The following PDSS2 variants were observed in gnomAD, a reference collection of about 807,000 sequenced individuals.
The protein encoded by PDSS2 is decaprenyl diphosphate synthase subunit 2, also known as all trans-polyprenyl-diphosphate synthase PDSS2.
A neutral mutation model predicts 44.5 loss-of-function variants in PDSS2; 31 were observed. The ratio of observed to expected loss-of-function variants is 0.70; its 90% CI spans 0.52 to 0.94. PDSS2 has a LOEUF of 0.94. Among genes scored for constraint, PDSS2 ranks in the 40% least tolerant of loss-of-function variants. The pLI is 0.00. For synonymous variants in PDSS2, 157 were observed against 180.3 expected, an observed-to-expected ratio of 0.87 and a Z score of 1.03; for missense variants, 452 against 482.2, an observed-to-expected ratio of 0.94 and a Z score of 0.59.
At chr6:107,378,902 A>G (rs1031901765) in intron 1 of PDSS2, among the ~76,000 whole-genome samples, 5 of 152,340 alleles carry the variant, frequency 3.3e-5, no homozygotes, top group African/African-American at 1.2e-4. Flanking sequence ...TGCCACTTTC[A>G]TCATATCATA....
chr6:107,225,660 A>G (rs896693879), intron 4 of PDSS2, among the ~76,000 whole-genome samples: 1 of 152,166 alleles, frequency 6.6e-6, no homozygotes, highest in Admixed American at 6.5e-5. Context: ...AGATCTGAAT[A>G]TATAAAAATC....
intron 2 of PDSS2, among the ~76,000 whole-genome samples, chr6:107,299,333 C>T (rs1776620861): frequency 6.6e-6 from 1 of 151,842 alleles, no homozygotes; most frequent in African/African-American, 2.4e-5. Context: ...TGTATCCAAC[C>T]CAGGCATCTC....
At chr6:107,229,109 A>T (rs1773941163) in intron 4 of PDSS2, among the ~76,000 whole-genome samples, 1 of 152,162 alleles carries the variant, frequency 6.6e-6, no homozygotes, top group South Asian at 2.1e-4. Flanking sequence ...ACACTTTTTT[A>T]AAAAACAGCT....
At chr6:107,293,534 A>G (rs891075919) in intron 2 of PDSS2, among the ~76,000 whole-genome samples, 1 of 152,130 alleles carries the variant, frequency 6.6e-6, no homozygotes, top group Non-Finnish European at 1.5e-5. Flanking sequence ...TGCTCTGATA[A>G]TTACGAATTG....
intron 2 of PDSS2, among the ~76,000 whole-genome samples, chr6:107,287,636 C>T (rs1776200141): frequency 2.6e-5 from 4 of 152,094 alleles, no homozygotes; most frequent in African/African-American, 9.7e-5. Context: ...ATTCTCCTGC[C>T]TCAGCCTCCC....
At chr6:107,422,942 T>C (rs1583065116) in intron 1 of PDSS2, among the ~76,000 whole-genome samples, 1 of 152,164 alleles carries the variant, frequency 6.6e-6, no homozygotes, top group East Asian at 1.9e-4. Flanking sequence ...CTAAAAGCAC[T>C]ACATAATTTT....
intron 4 of PDSS2, among the ~76,000 whole-genome samples, chr6:107,225,133 ATTTT>A (rs200001026): frequency 5.4e-4 from 30 of 55,880 alleles, no homozygotes; most frequent in East Asian, 5.4e-4. Context: ...CTATATATAT[ATTTT>A]TATATATATA....
chr6:107,452,301 G>A (rs1781895976), intron 1 of PDSS2, among the ~76,000 whole-genome samples: 1 of 151,324 alleles, frequency 6.6e-6, no homozygotes, highest in African/African-American at 2.4e-5. Context: ...GCAGTGCCGC[G>A]ATCTCACTGC....
At chr6:107,422,377 C>A (rs566785404) in intron 1 of PDSS2, among the ~76,000 whole-genome samples, 1 of 152,098 alleles carries the variant, frequency 6.6e-6, no homozygotes, top group East Asian at 1.9e-4. Flanking sequence ...AAAACAGGCA[C>A]TCCCATATAC....
chr6:107,251,040 G>C (rs1196857691), intron 3 of PDSS2, among the ~76,000 whole-genome samples: 1 of 152,066 alleles, frequency 6.6e-6, no homozygotes, highest in African/African-American at 2.4e-5. Flanking sequence ...ATTTTTAGTA[G>C]AGACAGGATT....
rs138189393 is a variant in PDSS2 at position 107,330,230 on chromosome 6, T to C, written c.431+3968A>G. On this transcript the variant is annotated intron_variant, in intron 2 of 7. Coordinates refer to ENST00000369037, the MANE Select transcript of PDSS2 (RefSeq NM_020381.4). Reference sequence around the variant, plus strand: ...CTTAAGGAGTATTACAGATGCAACATTTTTATGGCCAGGAAATAGTAAATA... The same window carrying C: ...CTTAAGGAGTATTACAGATGCAACACTTTTATGGCCAGGAAATAGTAAATA... Among the ~76,000 whole-genome samples, 158 of 152,212 alleles carry C rather than the reference T, an allele frequency of 1.0e-3. No individual in the cohort carries two copies. In the South Asian group the frequency reaches 0.013, roughly 13 times the overall value.
intron 1 of PDSS2, among the ~76,000 whole-genome samples, chr6:107,422,592 T>C (rs1195839276): frequency 2.0e-5 from 3 of 152,066 alleles, no homozygotes; most frequent in Admixed American, 6.5e-5. Flanking sequence ...TAATTAACTG[T>C]ATTATGGAAT....
chr6:107,438,845 G>A (rs1331271688), intron 1 of PDSS2, among the ~76,000 whole-genome samples: 1 of 152,168 alleles, frequency 6.6e-6, no homozygotes, highest in Non-Finnish European at 1.5e-5. Flanking sequence ...TCATGTATAG[G>A]AGATGAAGTT....
chr6:107,282,382 T>C (rs1300839705), intron 2 of PDSS2, among the ~76,000 whole-genome samples: 1 of 151,946 alleles, frequency 6.6e-6, no homozygotes, highest in Admixed American at 6.6e-5. Flanking sequence ...ACAGGAGCCA[T>C]GTCAGCTGAT....
At chr6:107,296,499 G>A in intron 2 of PDSS2, among the ~76,000 whole-genome samples, 1 of 152,204 alleles carries the variant, frequency 6.6e-6, no homozygotes, top group East Asian at 1.9e-4. Context: ...GCTGAGGTGG[G>A]TGGATCACCT....
chr6:107,273,686 C>T (rs1241337756), intron 3 of PDSS2, among the ~76,000 whole-genome samples: 1 of 152,040 alleles, frequency 6.6e-6, no homozygotes, highest in African/African-American at 2.4e-5. Context: ...AAAAAGACTA[C>T]AAGGAAATAC....
intron 1 of PDSS2, among the ~76,000 whole-genome samples, chr6:107,348,270 T>C (rs1778317956): frequency 6.6e-6 from 1 of 152,198 alleles, no homozygotes; most frequent in African/African-American, 2.4e-5. Flanking sequence ...GTCATCTCCA[T>C]CTTATAGGTG....
intron 2 of PDSS2, among the ~76,000 whole-genome samples, chr6:107,300,336 G>A (rs1443853504): frequency 6.6e-6 from 1 of 152,060 alleles, no homozygotes; most frequent in Non-Finnish European, 1.5e-5. Flanking sequence ...CCCCTACTAC[G>A]CCCCAATTCA....
intron 1 of PDSS2, among the ~76,000 whole-genome samples, chr6:107,402,666 G>C (rs1006359899): frequency 1.3e-4 from 20 of 150,424 alleles, no homozygotes; most frequent in Non-Finnish European, 2.5e-4. Context: ...CATGGCAGCA[G>C]ACAAACAACA....
Sources: allele counts gnomAD v4.1 joint callset (sites outside exome capture counted in the v4.1 genomes callset), GRCh38; gene constraint gnomAD v4.1.1; transcripts MANE v1.5; gene names NCBI Gene and HGNC (gene_info 2026-07-23, HGNC 2026-07-21).